The following VPS8 variants were observed in gnomAD, a reference collection of about 807,000 sequenced individuals.
VPS8 encodes the protein vacuolar protein sorting-associated protein 8 homolog.
VPS8 carries 129 observed loss-of-function variants against 216.4 expected under a neutral mutation model. The ratio of observed to expected loss-of-function variants is 0.60; its 90% CI spans 0.52 to 0.69. The LOEUF (loss-of-function observed/expected upper bound fraction) is 0.69. Among genes scored for constraint, VPS8 ranks in the 30% least tolerant of loss-of-function variants. The pLI is 0.00. For synonymous variants in VPS8, 571 were observed against 565.4 expected, an observed-to-expected ratio of 1.01 and a Z score of -0.14; for missense variants, 1,531 against 1,683.5, an observed-to-expected ratio of 0.91 and a Z score of 1.59.
chr3:185,037,250 A>G (rs1759047294), intron 46 of VPS8, among the ~76,000 whole-genome samples: 1 of 152,014 alleles, frequency 6.6e-6, no homozygotes, highest in African/African-American at 2.4e-5. Context: ...GGATATAGAA[A>G]TCTTAGTGGG....
Position 184,982,611 on chromosome 3 carries a change from C to CT in VPS8, c.3467dup (p.Ser1157ValfsTer11), listed in dbSNP as rs747843107. ...GGAGGCAATGATGGCCCCTCAGAAG[C>CT]TGTCCAGTTCAGCCATTCCTCATCT... On this transcript the variant is annotated frameshift_variant, in exon 41 of 48. Transcript: ENST00000625842. LOFTEE classifies it high-confidence loss of function. The CT allele has an allele frequency of 5.0e-6, 8 of 1,611,788 alleles. No homozygotes were observed.
intron 1 of VPS8, among the ~76,000 whole-genome samples, chr3:184,815,502 G>C (rs537592622): frequency 3.7e-4 from 56 of 152,244 alleles, no homozygotes; most frequent in African/African-American, 1.3e-3. Context: ...GCACATGACT[G>C]TATATAAATG....
intron 16 of VPS8, among the ~76,000 whole-genome samples, chr3:184,864,536 A>G (rs545223980): frequency 1.1e-4 from 17 of 152,322 alleles, no homozygotes; most frequent in Non-Finnish European, 2.2e-4. Flanking sequence ...AACCGTATCT[A>G]GTGCTCACAC....
intron 5 of VPS8, among the ~76,000 whole-genome samples, chr3:184,835,980 A>G (rs1721010826): frequency 1.3e-5 from 2 of 152,136 alleles, no homozygotes; most frequent in African/African-American, 4.8e-5. Context: ...AAGTGCTAGG[A>G]TTACAGGCAT....
chr3:184,894,563 ACT>A (rs1733027654), intron 22 of VPS8, 138 bp from the exon 23 acceptor site: 2 of 553,838 alleles, frequency 3.6e-6, no homozygotes, highest in Non-Finnish European at 6.3e-6. Flanking sequence ...GCAGTATAAA[ACT>A]CTGTGAATAT....
intron 34 of VPS8, among the ~76,000 whole-genome samples, chr3:184,935,848 C>T (rs940672867): frequency 7.2e-5 from 11 of 152,246 alleles, no homozygotes; most frequent in Middle Eastern, 3.4e-3. Context: ...TTAAAATTCT[C>T]GGCCAGATAA....
chr3:184,842,172 G>GC (rs1218356693), intron 7 of VPS8, among the ~76,000 whole-genome samples: 2 of 93,246 alleles, frequency 2.1e-5, no homozygotes, highest in East Asian at 1.5e-3. Flanking sequence ...GGGTGACAGA[G>GC]CGAGACTCCG....
In VPS8 at chr3:184,868,009, CT is replaced by C; in HGVS notation, c.1471-14del. ...TAAGGGTGATCATTTTAATTTCCAT[CT>C]CTTTACTTTCCAGTCTGTTTATGTG... On this transcript the variant is annotated splice_polypyrimidine_tract_variant and intron_variant, in intron 17 of 47. Coordinates refer to ENST00000625842, the MANE Select transcript of VPS8 (RefSeq NM_001009921.3). 4 of 1,612,450 alleles carry C rather than the reference CT, an allele frequency of 2.5e-6. No homozygotes were observed. The highest frequency in any genetic ancestry group is 1.7e-5 in the Admixed American group (1 of 59,982).
In VPS8 at chr3:184,866,894, G is replaced by T. The variant is rs773598101; in HGVS notation, c.1414G>T (p.Ala472Ser). The change falls in exon 17 of 48, where the codon GCT becomes TCT. Residue 472 changes from alanine (A) to serine (S), a missense_variant. Ala to Ser is a moderately conservative substitution (Grantham distance 99). Coordinates refer to ENST00000625842, the MANE Select transcript of VPS8 (RefSeq NM_001009921.3). The stretch of plus-strand genomic sequence containing the variant: ...CTTCCAGGCTTTGGTTGGAGAGAAG[G>T]CTTGTTATCAATCCATCAGTAGCTA... ...SQALALVGEKACYQSISSYGG... is the reference protein window; with the variant it reads ...SQALALVGEKSCYQSISSYGG... 1 of 1,612,840 alleles carries T rather than the reference G, an allele frequency of 6.2e-7. No individual in the cohort carries two copies. The highest frequency in any genetic ancestry group is 1.1e-5 in the South Asian group (1 of 90,696).
chr3:185,051,143 TC>T (rs1349912080), intron 47 of VPS8, among the ~76,000 whole-genome samples: 4 of 152,136 alleles, frequency 2.6e-5, no homozygotes, highest in African/African-American at 9.6e-5. Context: ...AAAGGGATGG[TC>T]CCCCTGAGTG....
intron 42 of VPS8, among the ~76,000 whole-genome samples, chr3:184,983,615 C>T (rs1394933478): frequency 6.6e-6 from 1 of 152,074 alleles, no homozygotes; most frequent in Non-Finnish European, 1.5e-5. Flanking sequence ...AACAAAAAAG[C>T]CTGAACCTTC....
chr3:184,965,727 G>A (rs913260422), intron 38 of VPS8, among the ~76,000 whole-genome samples: 1 of 152,198 alleles, frequency 6.6e-6, no homozygotes, highest in South Asian at 2.1e-4. Context: ...ACTGTTGGGG[G>A]ATGGAAGGCA....
At chr3:185,032,832 A>AT (rs967639316) in intron 46 of VPS8, among the ~76,000 whole-genome samples, 2 of 151,692 alleles carry the variant, frequency 1.3e-5, no homozygotes, top group African/African-American at 2.4e-5. Context: ...AGCCCAGCTA[A>AT]TTTTTTTTGT....
intron 46 of VPS8, among the ~76,000 whole-genome samples, chr3:185,035,717 C>T (rs748415629): frequency 6.6e-6 from 1 of 152,162 alleles, no homozygotes; most frequent in African/African-American, 2.4e-5. Context: ...GATGTCCACT[C>T]TCACCACTCC....
intron 36 of VPS8, among the ~76,000 whole-genome samples, chr3:184,948,489 C>T (rs1744087585): frequency 6.6e-6 from 1 of 152,152 alleles, no homozygotes; most frequent in South Asian, 2.1e-4. Context: ...AGCCGTTGCA[C>T]TACAGCCTGG....
chr3:184,952,500 G>T (rs375184276), intron 36 of VPS8, among the ~76,000 whole-genome samples: 3 of 151,238 alleles, frequency 2.0e-5, no homozygotes, highest in African/African-American at 7.3e-5. Context: ...TCTACGGGCT[G>T]GGAAGTGTAG....
At chr3:184,908,559 T>C (rs1735906268) in intron 25 of VPS8, among the ~76,000 whole-genome samples, 1 of 152,234 alleles carries the variant, frequency 6.6e-6, no homozygotes, top group African/African-American at 2.4e-5. Context: ...ATCCATAGCC[T>C]GATGGACGGC....
At chr3:184,900,994 A>AT in intron 25 of VPS8, 22 bp downstream of exon 25, 1 of 1,599,822 alleles carries the variant, frequency 6.3e-7, no homozygotes, top group South Asian at 1.1e-5. Flanking sequence ...CTAAGCCTTA[A>AT]TTTTTTGCTT....
At position 184,824,627 on chromosome 3, in the gene VPS8, G is replaced by T; in HGVS notation, c.-6G>T. 6.2e-7 allele frequency: 1 copy of T among 1,613,056 alleles called. No homozygotes were observed. ...GATGGACTGAATACTGTTATTAGAA[G>T]TAAATATGGAAAATGAACCAGACCA... On this transcript the variant is annotated 5_prime_UTR_variant, in exon 2 of 48. Coordinates refer to ENST00000625842, the MANE Select transcript of VPS8 (RefSeq NM_001009921.3).
Sources: gnomAD v4.1 joint callset for allele counts (sites outside exome capture counted in the v4.1 genomes callset) on GRCh38, gnomAD v4.1.1 for gene constraint, MANE v1.5 for transcripts, NCBI Gene and HGNC (gene_info 2026-07-23, HGNC 2026-07-21) for gene names.